GABRB1: variants seen among roughly 807,000 people sequenced by gnomAD.
GABRB1 encodes the protein gamma-aminobutyric acid receptor subunit beta-1.
GABRB1 carries 17 observed loss-of-function variants against 51.6 expected under a neutral mutation model. That is an observed-to-expected ratio of 0.33 (90% CI 0.23 to 0.49). GABRB1 has a LOEUF of 0.49. Ranked by LOEUF, GABRB1 falls within the 20% of genes least tolerant of loss-of-function variation. The pLI is 0.99. For synonymous variants in GABRB1, 247 were observed against 218.9 expected (o/e 1.13, Z -1.14); for missense variants, 410 against 600.6 (o/e 0.68, Z 3.32).
chr4:47,063,395 A>T (rs775180901), intron 3 of GABRB1, among the ~76,000 whole-genome samples: 1 of 152,208 alleles, frequency 6.6e-6, no homozygotes, highest in Non-Finnish European at 1.5e-5. Flanking sequence ...ATATTTTTAC[A>T]TTAAATAACT....
rs567768802 is a variant in GABRB1 at position 47,032,594 on chromosome 4, G to C, written c.240+110G>C. ...CGGTCACCTCGCCCCTGGCCCCTGA[G>C]GTCCCACTCCGCACCCGCTCCCCGC... On this transcript the variant is annotated intron_variant, in intron 3 of 8. Transcript: ENST00000295454. The C allele has an allele frequency of 5.9e-4, 628 of 1,061,506 alleles. 2 individuals are homozygous for C. Among genetic ancestry groups the C allele is most frequent in the Non-Finnish European group, 6.3e-5 (43 of 678,484 alleles). The allele number at this position is 1,061,506 out of a possible 1,614,324, so 65.8% of individuals were successfully genotyped here.
intron 1 of GABRB1, among the ~76,000 whole-genome samples, chr4:47,019,672 T>TTTCTTTCCTTCTTTCCTTCTTCTTTCC (rs1560498223): frequency 7.1e-6 from 1 of 141,124 alleles, no homozygotes; most frequent in African/African-American, 2.8e-5. Flanking sequence ...TCTTTCTTTC[T>TTTCTTTCCTTCTTTCCTTCTTCTTTCC]TTCTTTCCTT....
chr4:47,010,226 A>T (rs1171047792), intron 1 of GABRB1, among the ~76,000 whole-genome samples: 2 of 152,208 alleles, frequency 1.3e-5, no homozygotes, highest in Non-Finnish European at 2.9e-5. Context: ...ATTTCTTTTT[A>T]AAAAAATGTT....
At chr4:47,078,681 T>G (rs1204221016) in intron 3 of GABRB1, among the ~76,000 whole-genome samples, 1 of 152,168 alleles carries the variant, frequency 6.6e-6, no homozygotes, top group African/African-American at 2.4e-5. Context: ...GAGGATACCT[T>G]TTTCAGCTCT....
intron 4 of GABRB1, among the ~76,000 whole-genome samples, chr4:47,200,000 C>A (rs1403872830): frequency 5.9e-5 from 9 of 152,034 alleles, no homozygotes; most frequent in Admixed American, 5.9e-4. Context: ...TATTGATTAA[C>A]CAGGGTTATA....
intron 5 of GABRB1, among the ~76,000 whole-genome samples, chr4:47,396,023 T>C (rs1306176104): frequency 2.0e-5 from 3 of 152,212 alleles, no homozygotes; most frequent in African/African-American, 7.2e-5. Flanking sequence ...ATTTATAATT[T>C]AGTTAACCAC....
intron 4 of GABRB1, among the ~76,000 whole-genome samples, chr4:47,199,508 C>A (rs1280017796): frequency 2.6e-5 from 4 of 151,982 alleles, no homozygotes; most frequent in Non-Finnish European, 4.4e-5. Context: ...ATGCAAGAGA[C>A]CTACATAGTT....
At chr4:46,997,902 C>T (rs924305195) in intron 1 of GABRB1, among the ~76,000 whole-genome samples, 2 of 152,120 alleles carry the variant, frequency 1.3e-5, no homozygotes, top group African/African-American at 4.8e-5. Flanking sequence ...TCAGATATCT[C>T]TACAAGATGC....
chr4:47,411,723 AGGG>A (rs1728767650), intron 8 of GABRB1, among the ~76,000 whole-genome samples: 1 of 152,194 alleles, frequency 6.6e-6, no homozygotes, highest in Non-Finnish European at 1.5e-5. Flanking sequence ...AACCTGGGTG[AGGG>A]GTACATGGGG....
At chr4:47,156,312 G>A (rs527533607) in intron 3 of GABRB1, among the ~76,000 whole-genome samples, 7 of 151,900 alleles carry the variant, frequency 4.6e-5, no homozygotes, top group Non-Finnish European at 8.8e-5. Context: ...TTTCTCTGAT[G>A]ATTAGTGATA....
chr4:47,021,133 T>G (rs1237368478), intron 1 of GABRB1, among the ~76,000 whole-genome samples: 2 of 152,226 alleles, frequency 1.3e-5, no homozygotes. Context: ...CTATCTGCCA[T>G]GACCTGATTT....
intron 4 of GABRB1, among the ~76,000 whole-genome samples, chr4:47,254,361 G>GGTTTTTTTTTTTTTTTT (rs1305298443): frequency 2.5e-5 from 2 of 80,966 alleles, no homozygotes; most frequent in African/African-American, 1.0e-4. Flanking sequence ...TCTTTTCTTT[G>GGTTTTTTTTTTTTTTTT]TTTTTTTTTT....
intron 5 of GABRB1, among the ~76,000 whole-genome samples, chr4:47,366,302 TC>T (rs1451575367): frequency 6.6e-6 from 1 of 152,230 alleles, no homozygotes; most frequent in Non-Finnish European, 1.5e-5. Context: ...AAATGTATTG[TC>T]TCTCACTCAG....
intron 4 of GABRB1, among the ~76,000 whole-genome samples, chr4:47,164,096 A>T (rs1056136371): frequency 6.6e-6 from 1 of 152,006 alleles, no homozygotes; most frequent in Non-Finnish European, 1.5e-5. Flanking sequence ...GAATTCACTC[A>T]CTATCACAAG....
chr4:47,424,934 G>A lies in GABRB1; in HGVS notation c.1081-740G>A, dbSNP rs761724937. Among the ~76,000 whole-genome samples the A allele has an allele frequency of 1.1e-3, 165 of 152,262 alleles. 1 individual carries two copies. In the Middle Eastern group the frequency reaches 0.017, roughly 16 times the overall value. Reference sequence around the variant, plus strand: ...AACAGTAGAGGAACAAAAGTCAAAGGATAGCCAGGCGAATCCTTTGACCCA... The same window carrying A: ...AACAGTAGAGGAACAAAAGTCAAAGAATAGCCAGGCGAATCCTTTGACCCA... On this transcript the variant is annotated intron_variant, in intron 8 of 8. Transcript: ENST00000295454.
At chr4:47,225,538 C>T (rs192522584) in intron 4 of GABRB1, among the ~76,000 whole-genome samples, 4 of 151,986 alleles carry the variant, frequency 2.6e-5, no homozygotes, top group East Asian at 1.9e-4. Flanking sequence ...TTTATTGAGA[C>T]GAGATTGCAG....
chr4:47,338,678 C>T (rs1010593620), intron 5 of GABRB1, among the ~76,000 whole-genome samples: 2 of 152,190 alleles, frequency 1.3e-5, no homozygotes, highest in African/African-American at 4.8e-5. Flanking sequence ...GACAACTTTT[C>T]AGCATTCTTT....
intron 3 of GABRB1, among the ~76,000 whole-genome samples, chr4:47,115,496 AT>A (rs1477929934): frequency 1.4e-5 from 2 of 142,810 alleles, no homozygotes; most frequent in African/African-American, 4.9e-5. Context: ...ACTTTTTATG[AT>A]TTTTTAAATA....
chr4:47,252,965 C>G (rs1198064235), intron 4 of GABRB1, among the ~76,000 whole-genome samples: 1 of 152,096 alleles, frequency 6.6e-6, no homozygotes, highest in Admixed American at 6.5e-5. Flanking sequence ...TTACCACATA[C>G]AAGACACTGT....
Sources: allele counts gnomAD v4.1 joint callset (sites outside exome capture counted in the v4.1 genomes callset), GRCh38; gene constraint gnomAD v4.1.1; transcripts MANE v1.5; gene names NCBI Gene and HGNC (gene_info 2026-07-23, HGNC 2026-07-21).